Variants in LRBA observed in about 807,000 individuals in gnomAD.
LRBA encodes LPS responsive beige-like anchor protein, also known as lipopolysaccharide-responsive and beige-like anchor protein.
LRBA carries 176 observed loss-of-function variants against 330.0 expected under a neutral mutation model. The ratio of observed to expected loss-of-function variants is 0.53; its 90% CI spans 0.47 to 0.60. The LOEUF is 0.60. Among genes scored for constraint, LRBA ranks in the 20% least tolerant of loss-of-function variants. LRBA has a pLI of 0.00. For synonymous variants in LRBA, 1,230 were observed against 1,193.0 expected (o/e 1.03, Z -0.64); for missense variants, 3,259 against 3,444.8 (o/e 0.95, Z 1.35).
intron 2 of LRBA, among the ~76,000 whole-genome samples, chr4:150,949,230 G>A (rs1333439427): frequency 6.6e-6 from 1 of 152,034 alleles, no homozygotes; most frequent in Non-Finnish European, 1.5e-5. Flanking sequence ...ACAAACTGTA[G>A]TACATCCATA....
intron 46 of LRBA, among the ~76,000 whole-genome samples, chr4:150,427,087 A>T (rs750719858): frequency 5.9e-5 from 9 of 151,942 alleles, no homozygotes; most frequent in Non-Finnish European, 7.4e-5. Flanking sequence ...AATAAGTGGT[A>T]GACATATATT....
chr4:150,490,031 G>A lies in LRBA; in HGVS notation c.6448+887C>T, dbSNP rs142534563. Among the ~76,000 whole-genome samples, 163 of 151,364 alleles carry A rather than the reference G, an allele frequency of 1.1e-3. No individual in the cohort carries two copies. The Middle Eastern group carries it at 0.014, about 13-fold the overall frequency. On this transcript the variant is annotated intron_variant, in intron 41 of 56. Transcript: ENST00000651943. The stretch of plus-strand genomic sequence containing the variant: ...AGCTCCTTTGGGACAGCAAGGATGC[G>A]GACTGAAATAAAGTGTGAAACATTC...
chr4:150,635,273 T>C (rs1341025168), intron 37 of LRBA, among the ~76,000 whole-genome samples: 3 of 152,206 alleles, frequency 2.0e-5, no homozygotes, highest in African/African-American at 2.4e-5. Flanking sequence ...TATGTGACAA[T>C]GGTACCAAAT....
At chr4:150,463,173 C>T (rs1382872238) in intron 44 of LRBA, among the ~76,000 whole-genome samples, 1 of 151,892 alleles carries the variant, frequency 6.6e-6, no homozygotes, top group Non-Finnish European at 1.5e-5. Context: ...TAGTAGAATT[C>T]CATTCTCATG....
chr4:150,541,015 T>C (rs912658900), intron 40 of LRBA, among the ~76,000 whole-genome samples: 3 of 152,224 alleles, frequency 2.0e-5, no homozygotes, highest in South Asian at 2.1e-4. Flanking sequence ...AATTTACATA[T>C]GAGTAACAGA....
chr4:150,847,530 AAT>A (rs1170449555), intron 26 of LRBA, among the ~76,000 whole-genome samples: 2 of 152,182 alleles, frequency 1.3e-5, no homozygotes, highest in African/African-American at 4.8e-5. Flanking sequence ...AATATGAAAA[AAT>A]ATGTCATTAA....
intron 33 of LRBA, among the ~76,000 whole-genome samples, chr4:150,805,157 C>T (rs1015307869): frequency 4.2e-5 from 6 of 144,324 alleles, no homozygotes; most frequent in Non-Finnish European, 7.5e-5. Flanking sequence ...CATGGCAATG[C>T]TCCATGCGCA....
intron 46 of LRBA, 95 bp from the exon 47 acceptor site, chr4:150,415,685 G>C (rs1561142970): frequency 9.5e-6 from 7 of 734,570 alleles, no homozygotes; most frequent in Non-Finnish European, 1.5e-5. Context: ...TTGTTCAGAA[G>C]AACAAAATAA....
chr4:151,015,047 G>C (rs539308963), intron 1 of LRBA, among the ~76,000 whole-genome samples, 155 bp downstream of exon 1: 77 of 152,214 alleles, frequency 5.1e-4, no homozygotes, highest in Non-Finnish European at 9.4e-4. Context: ...CCCCCGAACA[G>C]GCTCACTCCT....
rs1200143430 is a variant in LRBA at position 151,014,603 on chromosome 4, T to C, written c.40A>G (p.Thr14Ala). 2.5e-6 allele frequency: 4 copies of C among 1,610,070 alleles called. No individual in the cohort carries two copies. The Admixed American group carries it at 6.7e-5, about 27-fold the overall frequency. ...CCTCCACCTCCCCCGTCATCACCTGTTGGTGGCGGGGAAGGGACACGATTG... is the reference window on the plus strand; with the variant it reads ...CCTCCACCTCCCCCGTCATCACCTGCTGGTGGCGGGGAAGGGACACGATTG... ...EDNRVPSPPP[T>A]GDDGGGGGRE... Residue 14 changes from threonine to alanine, a missense_variant, in exon 2 of 57, where the codon ACA becomes GCA. Thr to Ala is a moderately conservative substitution (Grantham distance 58). Transcript: ENST00000651943.
At chr4:150,742,929 A>G (rs1732213952) in intron 35 of LRBA, among the ~76,000 whole-genome samples, 1 of 152,094 alleles carries the variant, frequency 6.6e-6, no homozygotes, top group South Asian at 2.1e-4. Flanking sequence ...ACAAAAAAAG[A>G]GCAAACATAA....
chr4:150,579,157 A>C lies in LRBA; in HGVS notation c.6330+8891T>G, dbSNP rs754798000. On this transcript the variant is annotated intron_variant, in intron 40 of 56. Transcript: ENST00000651943. ...AATAGAATATAGTATCTCCTGCAGA[A>C]GGAGCTGCCAGTTCGTTTTAATACA... is the stretch of plus-strand genomic sequence containing the variant. 5 of 451,074 alleles carry C rather than the reference A, an allele frequency of 1.1e-5. 1 individual carries two copies. Among genetic ancestry groups the C allele is most frequent in the South Asian group, 7.9e-5 (5 of 63,652 alleles). The allele number at this position is 451,074 out of a possible 1,614,324, so 27.9% of individuals were successfully genotyped here. A position where few individuals can be genotyped will look rare whatever the true frequency, so the allele number is the denominator to read the frequency against.
chr4:150,621,455 A>T (rs1776282574), intron 37 of LRBA, among the ~76,000 whole-genome samples: 1 of 152,230 alleles, frequency 6.6e-6, no homozygotes, highest in Non-Finnish European at 1.5e-5. Context: ...TGTGAAAAAC[A>T]GCACTAGAGT....
At chr4:150,553,526 C>T (rs960320966) in intron 40 of LRBA, among the ~76,000 whole-genome samples, 5 of 151,986 alleles carry the variant, frequency 3.3e-5, no homozygotes, top group African/African-American at 1.2e-4. Context: ...CAGCCCAGTT[C>T]CTAACAGGGA....
At chr4:150,273,538 A>C (rs1366961817) in intron 56 of LRBA, among the ~76,000 whole-genome samples, 4 of 151,994 alleles carry the variant, frequency 2.6e-5, no homozygotes, top group Non-Finnish European at 5.9e-5. Flanking sequence ...AAGAGTCAAG[A>C]CCCATCAGTG....
Position 150,590,789 on chromosome 4 carries a change from T to G in LRBA, c.6117A>C (p.Ser2039=). ...CGCCTTCCAGGAGGATCTCGTTTTC[T>G]GAGTTCTGATTTCCTAAAGCCTGAC... The part of the protein sequence containing the change: ...IRSQALGNQN[S]ENEILLEGDD... The change falls in exon 39 of 57, where the codon TCA becomes TCC. Residue 2039 remains serine, a synonymous_variant. Transcript: ENST00000651943. The G allele has an allele frequency of 6.2e-7, 1 of 1,613,848 alleles. No individual in the cohort carries two copies. The highest frequency in any genetic ancestry group is 8.5e-7 in the Non-Finnish European group (1 of 1,179,696).
intron 42 of LRBA, among the ~76,000 whole-genome samples, chr4:150,477,338 A>G (rs896470769): frequency 6.6e-6 from 1 of 152,178 alleles, no homozygotes; most frequent in Non-Finnish European, 1.5e-5. Flanking sequence ...GGGGTAATTT[A>G]CTAAGAAAAG....
chr4:150,407,670 A>G (rs1384124433), intron 47 of LRBA, among the ~76,000 whole-genome samples: 2 of 152,192 alleles, frequency 1.3e-5, no homozygotes, highest in Non-Finnish European at 2.9e-5. Flanking sequence ...CTGAAATCAT[A>G]CACAGTATGC....
In LRBA at chr4:150,963,411, T is replaced by A. The variant is rs189885098; in HGVS notation, c.217-34346A>T. On this transcript the variant is annotated intron_variant, in intron 2 of 56. Transcript: ENST00000651943. Reference sequence around the variant, plus strand: ...CCTGTTGGCCGGGCTGGTCTCCAGCTCCTGACTGCGAGTGGTCTGCCGGCC... The same window carrying A: ...CCTGTTGGCCGGGCTGGTCTCCAGCACCTGACTGCGAGTGGTCTGCCGGCC... Among the ~76,000 whole-genome samples the A allele has an allele frequency of 4.1e-4, 61 of 149,708 alleles. 1 individual carries two copies. In the East Asian group the frequency reaches 0.01, roughly 26 times the overall value.
Sources: allele counts gnomAD v4.1 joint callset (sites outside exome capture counted in the v4.1 genomes callset), GRCh38; gene constraint gnomAD v4.1.1; transcripts MANE v1.5; gene names NCBI Gene and HGNC (gene_info 2026-07-23, HGNC 2026-07-21).